STK3: variants seen among roughly 807,000 people sequenced by gnomAD.
STK3 encodes the protein serine/threonine-protein kinase 3.
A neutral mutation model predicts 58.0 loss-of-function variants in STK3; 41 were observed. The ratio of observed to expected loss-of-function variants is 0.71; its 90% CI spans 0.55 to 0.92. STK3 has a LOEUF of 0.92. Ranked by LOEUF, STK3 falls within the 40% of genes least tolerant of loss-of-function variation. The pLI is 0.00. For synonymous variants in STK3, 170 were observed against 191.0 expected (o/e 0.89, Z 0.91); for missense variants, 479 against 602.7 (o/e 0.79, Z 2.15).
At chr8:98,594,232 A>G (rs58993030) in intron 7 of STK3, among the ~76,000 whole-genome samples, 60,077 of 151,814 alleles carry the variant, frequency 0.4, 12,285 homozygotes, top group East Asian at 0.52. Context: ...GGTGGAGCCC[A>G]GGAGGTAGAG....
At chr8:98,844,561 G>T (rs1836123575) in intron 3 of STK3, among the ~76,000 whole-genome samples, 1 of 152,084 alleles carries the variant, frequency 6.6e-6, no homozygotes, top group African/African-American at 2.4e-5. Context: ...TACCTCTTGG[G>T]CTCAAGCCAT....
At chr8:98,387,506 C>T (rs1011099116) in intron 1 of STK3, among the ~76,000 whole-genome samples, 6 of 152,184 alleles carry the variant, frequency 3.9e-5, no homozygotes, top group Non-Finnish European at 8.8e-5. Context: ...CCCAGCACTT[C>T]GGGAGACCAA....
chr8:98,849,737 T>C (rs1368716133), intron 3 of STK3, among the ~76,000 whole-genome samples: 1 of 152,076 alleles, frequency 6.6e-6, no homozygotes. Context: ...GAGATCCGTA[T>C]CAATCTCTTC....
At chr8:98,898,473 G>A (rs1838539894) in intron 1 of STK3, among the ~76,000 whole-genome samples, 1 of 152,192 alleles carries the variant, frequency 6.6e-6, no homozygotes, top group Admixed American at 6.6e-5. Context: ...GGGAATAACT[G>A]ATTTGGGTCA....
upstream of STK3, among the ~76,000 whole-genome samples, chr8:98,393,183 C>A (rs1817864318): frequency 6.6e-6 from 1 of 152,140 alleles, no homozygotes; most frequent in Admixed American, 6.5e-5. Context: ...GCCACACATT[C>A]CTGGGGCTTA....
At chr8:98,727,751 A>T (rs1266959058) in intron 4 of STK3, among the ~76,000 whole-genome samples, 1 of 152,168 alleles carries the variant, frequency 6.6e-6, no homozygotes, top group African/African-American at 2.4e-5. Flanking sequence ...TCATTTTTTT[A>T]AAGTCTCCTG....
chr8:98,935,943 G>A (rs1840178056), intron 1 of STK3, among the ~76,000 whole-genome samples: 2 of 151,644 alleles, frequency 1.3e-5, no homozygotes, highest in African/African-American at 2.4e-5. Context: ...TTGAGGTGGA[G>A]TCTCACTCTG....
chr8:98,406,525 C>T (rs1317872602), intron 3 of STK3, among the ~76,000 whole-genome samples: 3 of 152,098 alleles, frequency 2.0e-5, no homozygotes, highest in Admixed American at 6.5e-5. Flanking sequence ...TAATGTCTAG[C>T]TAGCACAGTA....
At chr8:98,908,565 G>C (rs1056526106) in intron 1 of STK3, among the ~76,000 whole-genome samples, 1 of 152,166 alleles carries the variant, frequency 6.6e-6, no homozygotes, top group African/African-American at 2.4e-5. Flanking sequence ...AGCAAAAATG[G>C]CTGGGCGTGG....
intron 6 of STK3, among the ~76,000 whole-genome samples, chr8:98,698,858 C>G (rs1414716502): frequency 6.6e-6 from 1 of 151,186 alleles, no homozygotes; most frequent in Non-Finnish European, 1.5e-5. Context: ...TTGCTCTTCT[C>G]GAGGAGTATC....
intron 1 of STK3, among the ~76,000 whole-genome samples, chr8:98,884,084 G>A (rs1837894705): frequency 6.6e-6 from 1 of 152,174 alleles, no homozygotes; most frequent in Non-Finnish European, 1.5e-5. Flanking sequence ...ATTAGCTACT[G>A]TAAGGAATGA....
At chr8:98,745,520 G>A (rs986402854) in intron 4 of STK3, among the ~76,000 whole-genome samples, 1 of 151,906 alleles carries the variant, frequency 6.6e-6, no homozygotes, top group African/African-American at 2.4e-5. Context: ...CTATGTTAAG[G>A]CTAATGAAGA....
intron 1 of STK3, among the ~76,000 whole-genome samples, chr8:98,786,334 C>T (rs887157352): frequency 2.8e-4 from 42 of 152,156 alleles, no homozygotes; most frequent in South Asian, 2.1e-4. Flanking sequence ...ACCATTTGAG[C>T]CAAGTAGCTT....
At chr8:98,905,294 G>T (rs552775288) in intron 1 of STK3, 1 of 834,080 alleles carries the variant, frequency 1.2e-6, no homozygotes, top group South Asian at 1.4e-5. Context: ...GTCTCACTGC[G>T]TCCTCTGACC....
At chr8:98,392,303 G>T (rs1181844586), upstream of STK3, among the ~76,000 whole-genome samples, 2 of 152,104 alleles carry the variant, frequency 1.3e-5, no homozygotes, top group East Asian at 3.8e-4. Flanking sequence ...TTCATGGAAT[G>T]CTTCCTATTT....
intron 3 of STK3, among the ~76,000 whole-genome samples, chr8:98,847,723 TTTTG>T (rs574684156): frequency 2.6e-5 from 4 of 152,244 alleles, no homozygotes; most frequent in East Asian, 1.9e-4. Context: ...AAAGGTTTTT[TTTTG>T]TTTGTTTGTT....
upstream of STK3, chr8:98,391,358 A>G (rs2077481606): frequency 6.6e-6 from 1 of 152,236 alleles, no homozygotes; most frequent in African/African-American, 2.4e-5. Flanking sequence ...GCAATGGTCT[A>G]TCTGTTAGTG....
downstream of STK3, among the ~76,000 whole-genome samples, chr8:98,453,213 T>C (rs60151647): frequency 2.4e-4 from 13 of 55,002 alleles, 3 homozygotes; most frequent in African/African-American, 6.2e-4. Flanking sequence ...CTCAGCCTCC[T>C]GAGTAGCTGG....
intron 1 of STK3, among the ~76,000 whole-genome samples, chr8:98,825,098 G>A (rs1835163316): frequency 6.6e-6 from 1 of 152,170 alleles, no homozygotes; most frequent in Non-Finnish European, 1.5e-5. Context: ...GGGGGAGGGG[G>A]TTCTAATTTA....
Sources: allele counts gnomAD v4.1 joint callset (sites outside exome capture counted in the v4.1 genomes callset), GRCh38; gene constraint gnomAD v4.1.1; transcripts MANE v1.5; gene names NCBI Gene and HGNC (gene_info 2026-07-23, HGNC 2026-07-21).